The following OLR1 variants were observed in gnomAD, a reference collection of about 807,000 sequenced individuals.
OLR1 encodes the protein oxidized low-density lipoprotein receptor 1.
A neutral mutation model predicts 31.7 loss-of-function variants in OLR1; 23 were observed. That is an observed-to-expected ratio of 0.72 (90% confidence interval 0.52 to 1.03). The LOEUF (loss-of-function observed/expected upper bound fraction) is 1.03. Among genes scored for constraint, OLR1 ranks in the 50% least tolerant of loss-of-function variants. The pLI is 0.00. For synonymous variants in OLR1, 117 were observed against 115.8 expected (o/e 1.01, Z -0.07); for missense variants, 286 against 315.7 (o/e 0.91, Z 0.71).
chr12:10,167,268 GAGAT>G (rs1369658721), intron 2 of OLR1: 1 of 269,180 alleles, frequency 3.7e-6, no homozygotes, highest in Non-Finnish European at 7.3e-6. Context: ...ACGAGGTCAA[GAGAT>G]AGAGACCATC....
In OLR1 at chr12:10,159,772, A is replaced by C; in HGVS notation, c.*108T>G. 8.8e-7 allele frequency: 1 copy of C among 1,141,986 alleles called. No individual in the cohort carries two copies. The highest frequency in any genetic ancestry group is 2.4e-5 in the East Asian group (1 of 41,648). The allele number at this position is 1,141,986 out of a possible 1,614,324, so 70.7% of individuals were successfully genotyped here. On this transcript the variant is annotated 3_prime_UTR_variant, in exon 6 of 6. Coordinates refer to ENST00000309539, the MANE Select transcript of OLR1 (RefSeq NM_002543.4). ...TGCAAAGGAGTTCTGCAGCCAGCTAAATGACAGTTTTCTGGGCTCTCATGT... is the reference window on the plus strand; with the variant it reads ...TGCAAAGGAGTTCTGCAGCCAGCTACATGACAGTTTTCTGGGCTCTCATGT...
rs577739742 is a variant in OLR1 at position 10,159,917 on chromosome 12, C to A, written c.785G>T (p.Ser262Ile). The A allele has an allele frequency of 2.5e-6, 4 of 1,613,956 alleles. No individual in the cohort carries two copies. The East Asian group carries it at 6.7e-5, about 27-fold the overall frequency. Residue 262 changes from serine (S) to isoleucine (I), a missense_variant, in exon 6 of 6, where the codon AGT (serine) becomes ATT (isoleucine). Ser to Ile is a moderately radical substitution (Grantham distance 142, BLOSUM62 -2). Transcript: ENST00000309539. ...YAENCILAAF[S>I]ICQKKANLRA... is the part of the protein sequence containing the mutation. The stretch of plus-strand genomic sequence containing the variant: ...TAGGTTTGCCTTCTTCTGACATATA[C>A]TGAAGGCAGCTAAAATGCAGTTTTC...
intron 1 of OLR1, among the ~76,000 whole-genome samples, chr12:10,171,092 T>A (rs1948711812): frequency 6.6e-6 from 1 of 152,244 alleles, no homozygotes; most frequent in Non-Finnish European, 1.5e-5. Flanking sequence ...ATGACTATTG[T>A]TCACTTCTGG....
chr12:10,159,778 A>T lies in OLR1; in HGVS notation c.*102T>A. 1 of 1,204,392 alleles carries T rather than the reference A, an allele frequency of 8.3e-7. No homozygotes were observed. The highest frequency in any genetic ancestry group is 1.1e-6 in the Non-Finnish European group (1 of 879,916). 74.6% of individuals were successfully genotyped at this position (1,204,392 alleles called of 1,614,324 possible). A position where few individuals can be genotyped will look rare whatever the true frequency, so the allele number is the denominator to read the frequency against. ...GGAGTTCTGCAGCCAGCTAAATGAC[A>T]GTTTTCTGGGCTCTCATGTTTGGCA... On this transcript the variant is annotated 3_prime_UTR_variant, in exon 6 of 6. Transcript: ENST00000309539.
chr12:10,171,185 T>C (rs1272091005), intron 1 of OLR1, among the ~76,000 whole-genome samples: 1 of 152,260 alleles, frequency 6.6e-6, no homozygotes, highest in Admixed American at 6.5e-5. Flanking sequence ...CACACTTATG[T>C]TCTCTATTGA....
chr12:10,161,742 C>T (rs1347365696), intron 3 of OLR1, among the ~76,000 whole-genome samples: 7 of 151,482 alleles, frequency 4.6e-5, no homozygotes, highest in Admixed American at 2.0e-4. Flanking sequence ...GTGTAAAACA[C>T]ACAAAAGATT....
At chr12:10,167,069 CT>C (rs1332538248) in intron 2 of OLR1, 112 bp from the exon 3 acceptor site, 1 of 1,039,246 alleles carries the variant, frequency 9.6e-7, no homozygotes, top group Non-Finnish European at 1.4e-6. Context: ...AGATAAGCTG[CT>C]GAAAAATGAC....
chr12:10,172,149 C>T, upstream of OLR1: 3 of 1,012,642 alleles, frequency 3.0e-6, no homozygotes, highest in South Asian at 3.9e-5. Context: ...ATGTGAGCTT[C>T]TGCAGAAGTA....
chr12:10,169,030 C>G (rs2137520128), intron 2 of OLR1, 44 bp downstream of exon 2: 1 of 1,345,690 alleles, frequency 7.4e-7, no homozygotes, highest in East Asian at 2.3e-5. Flanking sequence ...TCATTTCCAA[C>G]ACCCCTGCCC....
upstream of OLR1, among the ~76,000 whole-genome samples, chr12:10,175,094 T>A (rs549191364): frequency 6.6e-6 from 1 of 152,330 alleles, no homozygotes; most frequent in East Asian, 1.9e-4. Flanking sequence ...GCTCTCATTA[T>A]TCCTGCCTCC....
In OLR1 at chr12:10,160,165, T is replaced by C; in HGVS notation, c.681-144A>G. ...GGGAAGGAAAACTCAAGAAAATGTC[T>C]GAATGGTTAATGAGTAAATCTTTTT... On this transcript the variant is annotated intron_variant, in intron 5 of 5. Transcript: ENST00000309539. The C allele has an allele frequency of 2.5e-5, 25 of 1,010,120 alleles. No homozygotes were observed. In the South Asian group the frequency reaches 3.9e-4, roughly 16 times the overall value. The allele number at this position is 1,010,120 out of a possible 1,614,324, so 62.6% of individuals were successfully genotyped here. A position where few individuals can be genotyped will look rare whatever the true frequency, so the allele number is the denominator to read the frequency against.
chr12:10,171,982 C>T lies in OLR1; in HGVS notation c.76+20G>A, dbSNP rs1335478854. On this transcript the variant is annotated intron_variant, in intron 1 of 5. Coordinates refer to ENST00000309539, the MANE Select transcript of OLR1 (RefSeq NM_002543.4). ...AACACTGGGATTCTTTCCCTGTACACATTTTCCCATCCCTAGTACCTTTAG... is the reference window on the plus strand; with the variant it reads ...AACACTGGGATTCTTTCCCTGTACATATTTTCCCATCCCTAGTACCTTTAG... The T allele has an allele frequency of 6.3e-7, 1 of 1,586,434 alleles. No homozygotes were observed. The highest frequency in any genetic ancestry group is 1.3e-5 in the African/African-American group (1 of 74,462).
In OLR1 at chr12:10,159,887, G is replaced by A. The variant is rs1436152952; in HGVS notation, c.815C>T (p.Ala272Val). 1 of 1,610,830 alleles carries A rather than the reference G, an allele frequency of 6.2e-7. No homozygotes were observed. The highest frequency in any genetic ancestry group is 8.5e-7 in the Non-Finnish European group (1 of 1,178,610). Reference sequence around the variant, plus strand: ...CTTCCAGAGCCTTCAAATTCACTGTGCTCTTAGGTTTGCCTTCTTCTGACA... The same window carrying A: ...CTTCCAGAGCCTTCAAATTCACTGTACTCTTAGGTTTGCCTTCTTCTGACA... ...SICQKKANLR[A>V]Q Residue 272 changes from alanine (A) to valine (V), a missense_variant, in exon 6 of 6, where the codon GCA becomes GTA. Physicochemically the swap from Ala to Val is moderately conservative, Grantham distance 64 (BLOSUM62 0). Transcript: ENST00000309539.
At chr12:10,170,047 T>G (rs929538326) in intron 1 of OLR1, among the ~76,000 whole-genome samples, 1 of 152,132 alleles carries the variant, frequency 6.6e-6, no homozygotes, top group Non-Finnish European at 1.5e-5. Context: ...TGTATGCAAA[T>G]AAGGAGACTG....
In OLR1 at chr12:10,160,472, G is replaced by A. The variant is rs777375835; in HGVS notation, c.565-10C>T. Reference sequence around the variant, plus strand: ...CTTGCTGGATGAAGTCCTGTGGGGAGTAATGTTTCTGAGTTTGTGGAATCC... The same window carrying A: ...CTTGCTGGATGAAGTCCTGTGGGGAATAATGTTTCTGAGTTTGTGGAATCC... On this transcript the variant is annotated splice_polypyrimidine_tract_variant and intron_variant, in intron 4 of 5. Transcript: ENST00000309539. 9.4e-6 allele frequency: 15 copies of A among 1,595,290 alleles called. No homozygotes were observed. In the African/African-American group the frequency reaches 1.6e-4, roughly 17 times the overall value.
chr12:10,159,890 C>T lies in OLR1; in HGVS notation c.812G>A (p.Arg271Lys). The change falls in exon 6 of 6, where the codon AGA (arginine) becomes AAA (lysine). Residue 271 changes from arginine (R) to lysine (K), a missense_variant. Arg to Lys is a conservative substitution (Grantham distance 26). Coordinates refer to ENST00000309539, the MANE Select transcript of OLR1 (RefSeq NM_002543.4). ...FSICQKKANLRAQ is the reference protein window; with the variant it reads ...FSICQKKANLKAQ The stretch of plus-strand genomic sequence containing the variant: ...CCAGAGCCTTCAAATTCACTGTGCT[C>T]TTAGGTTTGCCTTCTTCTGACATAT... 1 of 1,611,678 alleles carries T rather than the reference C, an allele frequency of 6.2e-7. No homozygotes were observed. The highest frequency in any genetic ancestry group is 8.5e-7 in the Non-Finnish European group (1 of 1,178,954).
At chr12:10,160,296 C>T (rs760430395) in intron 5 of OLR1, 51 bp downstream of exon 5, 1 of 1,433,070 alleles carries the variant, frequency 7.0e-7, no homozygotes, top group Non-Finnish European at 9.7e-7. Context: ...GCAGGTTCAG[C>T]AAAGAATAGG....
At position 10,171,995 on chromosome 12, in the gene OLR1, C is replaced by T; in HGVS notation, c.76+7G>A. On this transcript the variant is annotated splice_region_variant and intron_variant, in intron 1 of 5. Transcript: ENST00000309539. ...TTTCCCTGTACACATTTTCCCATCC[C>T]TAGTACCTTTAGCTTTTTTTCCATT... 2 of 1,607,634 alleles carry T rather than the reference C, an allele frequency of 1.2e-6. No homozygotes were observed. The highest frequency in any genetic ancestry group is 1.1e-5 in the South Asian group (1 of 90,934).
At chr12:10,176,247 A>G (rs112645548), upstream of OLR1, among the ~76,000 whole-genome samples, 1 of 152,186 alleles carries the variant, frequency 6.6e-6, no homozygotes, top group Non-Finnish European at 1.5e-5. Flanking sequence ...AGCTGCCCCA[A>G]GGCATAATCT....
Sources: allele counts gnomAD v4.1 joint callset (sites outside exome capture counted in the v4.1 genomes callset), GRCh38; gene constraint gnomAD v4.1.1; transcripts MANE v1.5; gene names NCBI Gene and HGNC (gene_info 2026-07-23, HGNC 2026-07-21).